Variants in TG observed in about 807,000 individuals in gnomAD.
TG encodes thyroid hormones.
A neutral mutation model predicts 324.7 loss-of-function variants in TG; 270 were observed. The observed-to-expected ratio is 0.83, with a 90% confidence interval of 0.75 to 0.92. The LOEUF is 0.92. Among genes scored for constraint, TG ranks in the 40% least tolerant of loss-of-function variants. TG has a pLI of 0.00. For synonymous variants in TG, 1,401 were observed against 1,327.0 expected, an observed-to-expected ratio of 1.06 and a Z score of -1.21; for missense variants, 3,591 against 3,456.4, an observed-to-expected ratio of 1.04 and a Z score of -0.98.
intron 39 of TG, among the ~76,000 whole-genome samples, chr8:133,021,705 CT>C (rs1371349782): frequency 6.6e-6 from 1 of 152,200 alleles, no homozygotes; most frequent in Non-Finnish European, 1.5e-5. Flanking sequence ...CCCTCTGTAC[CT>C]GTGTCCTGAC....
chr8:132,874,373 C>T (rs1308394190), intron 5 of TG, among the ~76,000 whole-genome samples: 1 of 152,156 alleles, frequency 6.6e-6, no homozygotes, highest in African/African-American at 2.4e-5. Context: ...GATCTTGACC[C>T]AAATAGCCAG....
chr8:132,965,124 A>G (rs73710727), intron 29 of TG, among the ~76,000 whole-genome samples: 2,071 of 152,254 alleles, frequency 0.014, 56 homozygotes, highest in African/African-American at 0.048. Context: ...GGGACTGGCC[A>G]TTATACAATC....
Position 133,095,067 on chromosome 8 carries a change from C to G in TG, c.7263C>G (p.Ala2421=). 3 of 1,613,932 alleles carry G rather than the reference C, an allele frequency of 1.9e-6. No individual in the cohort carries two copies. Among genetic ancestry groups the G allele is most frequent in the Non-Finnish European group, 2.5e-6 (3 of 1,180,024 alleles). The change falls in exon 42 of 48, where the codon GCC becomes GCG. Residue 2421 remains alanine (A), a synonymous_variant. Transcript: ENST00000220616. ...AGGGAGGCTCCGCACTCTCCCCGGCCGCCGTCATCAGCCATGAGAGGGCTC... is the reference window on the plus strand; with the variant it reads ...AGGGAGGCTCCGCACTCTCCCCGGCGGCCGTCATCAGCCATGAGAGGGCTC... ...VLMGGSALSP[A]AVISHERAQQ...
intron 27 of TG, among the ~76,000 whole-genome samples, chr8:132,950,807 C>G (rs1826001409): frequency 1.3e-5 from 2 of 152,056 alleles, no homozygotes; most frequent in African/African-American, 4.8e-5. Flanking sequence ...GAGGATATAA[C>G]AATAAAAAAA....
intron 26 of TG, among the ~76,000 whole-genome samples, 159 bp from the exon 27 acceptor site, chr8:132,948,617 T>C (rs1302418818): frequency 1.3e-5 from 2 of 152,198 alleles, no homozygotes; most frequent in East Asian, 3.9e-4. Context: ...CAGGCAGGAT[T>C]GTCTCAATTT....
intron 18 of TG, among the ~76,000 whole-genome samples, chr8:132,910,229 T>C (rs536923359): frequency 5.9e-5 from 9 of 152,284 alleles, no homozygotes; most frequent in East Asian, 1.9e-4. Context: ...TTCATATGCA[T>C]TGGACCCCTG....
At chr8:132,975,790 C>T (rs1830105687) in intron 34 of TG, among the ~76,000 whole-genome samples, 1 of 152,166 alleles carries the variant, frequency 6.6e-6, no homozygotes, top group Admixed American at 6.5e-5. Context: ...GAGTTAGAAT[C>T]TGGACACAAG....
chr8:133,075,126 A>C, intron 41 of TG: 2 of 985,400 alleles, frequency 2.0e-6, no homozygotes, highest in Non-Finnish European at 2.4e-6. Context: ...TTCTCTCTGC[A>C]AGGACTGGGA....
At chr8:132,903,304 C>T (rs1168235078) in intron 16 of TG, among the ~76,000 whole-genome samples, 10 of 152,166 alleles carry the variant, frequency 6.6e-5, no homozygotes, top group Admixed American at 6.5e-4. Context: ...TGGGTAGATG[C>T]TCACTTGCTC....
chr8:133,097,224 C>A (rs991456154), intron 43 of TG, among the ~76,000 whole-genome samples: 1 of 152,214 alleles, frequency 6.6e-6, no homozygotes, highest in African/African-American at 2.4e-5. Flanking sequence ...ATGAAAGCAA[C>A]CAAACAGGAT....
At chr8:133,006,548 C>A (rs1210461509) in intron 35 of TG, among the ~76,000 whole-genome samples, 2 of 152,210 alleles carry the variant, frequency 1.3e-5, no homozygotes, top group Admixed American at 6.5e-5. Flanking sequence ...CCTGGAGTAT[C>A]AGAGGAGGCC....
chr8:132,948,412 C>T (rs941792071), intron 26 of TG, among the ~76,000 whole-genome samples: 3 of 152,106 alleles, frequency 2.0e-5, no homozygotes, highest in Admixed American at 1.3e-4. Context: ...AGCAGCAGCT[C>T]AGGAAAATCA....
At chr8:132,898,065 C>T in intron 12 of TG, 104 bp from the exon 13 acceptor site, 1 of 1,175,812 alleles carries the variant, frequency 8.5e-7, no homozygotes, top group Non-Finnish European at 1.2e-6. Flanking sequence ...AGAAGGCGAC[C>T]AGGCTTGCAC....
At chr8:133,011,447 T>C (rs986282522) in intron 35 of TG, among the ~76,000 whole-genome samples, 1 of 152,282 alleles carries the variant, frequency 6.6e-6, no homozygotes, top group Middle Eastern at 3.4e-3. Context: ...CCCCACAGTG[T>C]CCCTTACAGA....
chr8:132,995,574 C>T (rs1424385711), intron 35 of TG: 20 of 961,400 alleles, frequency 2.1e-5, no homozygotes, highest in East Asian at 1.2e-4. Context: ...TTTGCCCACG[C>T]ACCCAGGATC....
At chr8:133,046,903 A>G (rs1839520977) in intron 41 of TG, among the ~76,000 whole-genome samples, 1 of 152,216 alleles carries the variant, frequency 6.6e-6, no homozygotes, top group African/African-American at 2.4e-5. Context: ...GGCACTTATT[A>G]GGTGCATGGG....
chr8:133,126,019 TA>T (rs2130334987), intron 45 of TG, among the ~76,000 whole-genome samples: 1 of 152,352 alleles, frequency 6.6e-6, no homozygotes, highest in African/African-American at 2.4e-5. Context: ...TCAACACTGT[TA>T]TCAAATGCGA....
chr8:133,029,972 T>C lies in TG; in HGVS notation c.7188T>C (p.Leu2396=), dbSNP rs1836468460. ...RGGADVASIH[L]LTARATNSQL... ...GGGCTGATGTGGCCAGCATCCACCT[T>C]CTCACGGCCAGGGCCACCAACTCCC... The change falls in exon 41 of 48, where the codon CTT becomes CTC. Residue 2396 remains leucine, a synonymous_variant. Transcript: ENST00000220616. The C allele has an allele frequency of 2.5e-6, 4 of 1,614,194 alleles. No individual in the cohort carries two copies. The East Asian group carries it at 8.9e-5, about 36-fold the overall frequency.
intron 41 of TG, among the ~76,000 whole-genome samples, chr8:133,070,982 T>C (rs1843918910): frequency 6.6e-6 from 1 of 152,264 alleles, no homozygotes; most frequent in African/African-American, 2.4e-5. Flanking sequence ...TTTCTGTCTT[T>C]AGAACCCACA....
Sources: gnomAD v4.1 joint callset for allele counts (sites outside exome capture counted in the v4.1 genomes callset) on GRCh38, gnomAD v4.1.1 for gene constraint, MANE v1.5 for transcripts, NCBI Gene and HGNC (gene_info 2026-07-23, HGNC 2026-07-21) for gene names.